The following COL5A1 variants were observed in gnomAD, a reference collection of about 807,000 sequenced individuals.
The protein encoded by COL5A1 is collagen alpha-1(V) chain.
COL5A1 carries 16 observed loss-of-function variants against 263.7 expected under a neutral mutation model. The ratio of observed to expected loss-of-function variants is 0.06; its 90% CI spans 0.04 to 0.09. COL5A1 has a LOEUF of 0.09. Among genes scored for constraint, COL5A1 ranks in the 10% least tolerant of loss-of-function variants. The pLI is 1.00. For missense variants in COL5A1, 2,036 were observed against 2,540.5 expected, an observed-to-expected ratio of 0.80 and a Z score of 4.27; for synonymous variants, 1,012 against 1,004.5, an observed-to-expected ratio of 1.01 and a Z score of -0.14.
rs1469208231 is a variant in COL5A1, at chr9:134,780,160, T to C, written c.2430+14T>C. The stretch of plus-strand genomic sequence containing the variant: ...AAGGGCGAGAAGGTAAGTCTCTCCT[T>C]GCAGCCACGGGGCCCCCTGCTTAGT... On this transcript the variant is annotated intron_variant, in intron 28 of 65. Transcript: ENST00000371817. The C allele has an allele frequency of 6.2e-7, 1 of 1,613,110 alleles. No individual in the cohort carries two copies. The highest frequency in any genetic ancestry group is 8.5e-7 in the Non-Finnish European group (1 of 1,179,960).
At chr9:134,784,342 G>A (rs1837369804) in intron 29 of COL5A1, among the ~76,000 whole-genome samples, 1 of 152,228 alleles carries the variant, frequency 6.6e-6, no homozygotes, top group Non-Finnish European at 1.5e-5. Flanking sequence ...TCCATTGCTG[G>A]ACAAAGAGTG....
chr9:134,816,029 A>G lies in COL5A1; in HGVS notation c.4122+41A>G, dbSNP rs1273876350. 1.9e-6 allele frequency: 3 copies of G among 1,604,684 alleles called. No individual in the cohort carries two copies. The South Asian group carries it at 3.3e-5, about 18-fold the overall frequency. On this transcript the variant is annotated intron_variant, in intron 52 of 65. Transcript: ENST00000371817. Reference sequence around the variant, plus strand: ...GGGCTGGCTTCCTGGTGGAGGTGTCAGTGTATTCTTGGGACCTTGCAGCTT... The same window carrying G: ...GGGCTGGCTTCCTGGTGGAGGTGTCGGTGTATTCTTGGGACCTTGCAGCTT...
At chr9:134,648,675 T>C (rs1483741296) in intron 1 of COL5A1, among the ~76,000 whole-genome samples, 1 of 152,212 alleles carries the variant, frequency 6.6e-6, no homozygotes, top group Non-Finnish European at 1.5e-5. Flanking sequence ...AGCAGGAGGC[T>C]GTGAGGTGGT....
chr9:134,770,363 C>T (rs1046329331), intron 25 of COL5A1, among the ~76,000 whole-genome samples: 6 of 152,148 alleles, frequency 3.9e-5, no homozygotes, highest in East Asian at 1.9e-4. Context: ...TGATAGCACA[C>T]GCTGGGGAAA....
chr9:134,823,534 A>G, intron 61 of COL5A1, 65 bp downstream of exon 61: 2 of 1,551,372 alleles, frequency 1.3e-6, no homozygotes, highest in Non-Finnish European at 1.8e-6. Context: ...GGAATTGAGA[A>G]AGCAACTGTG....
intron 21 of COL5A1, 65 bp from the exon 22 acceptor site, chr9:134,766,389 C>T (rs1234898396): frequency 2.6e-6 from 4 of 1,522,172 alleles, no homozygotes; most frequent in African/African-American, 2.7e-5. Context: ...GTGGGATTTT[C>T]CTCTTGAGCA....
chr9:134,765,952 C>T lies in COL5A1; in HGVS notation c.2088+218C>T, dbSNP rs891906517. Among the ~76,000 whole-genome samples, 2 of 152,214 alleles carry T rather than the reference C, an allele frequency of 1.3e-5. No individual in the cohort carries two copies. Among genetic ancestry groups the T allele is most frequent in the African/African-American group, 4.8e-5 (2 of 41,454 alleles). On this transcript the variant is annotated intron_variant, in intron 21 of 65. Coordinates refer to ENST00000371817, the MANE Select transcript of COL5A1 (RefSeq NM_000093.5). This position sits in a 1 kb window ranked among gnomAD's most constrained non-coding sequence, Gnocchi z 5.1. Reference sequence around the variant, plus strand: ...CTTGCAGGTGGAGGCCCGAGGCTGCCGGCCTCACGCCTCCGCTTCACCCTG... The same window carrying T: ...CTTGCAGGTGGAGGCCCGAGGCTGCTGGCCTCACGCCTCCGCTTCACCCTG...
intron 9 of COL5A1, among the ~76,000 whole-genome samples, chr9:134,738,120 C>T (rs1453029920): frequency 6.6e-6 from 1 of 152,324 alleles, no homozygotes; most frequent in East Asian, 1.9e-4. Context: ...TGGCTTTGGC[C>T]TGGCGGACCT....
At chr9:134,720,458 A>G (rs1309764995) in intron 4 of COL5A1, among the ~76,000 whole-genome samples, 1 of 152,224 alleles carries the variant, frequency 6.6e-6, no homozygotes, top group Non-Finnish European at 1.5e-5. Context: ...ATGCACTGTG[A>G]AAATGCTCTC....
chr9:134,731,745 CA>C (rs1004016731), intron 8 of COL5A1, 82 bp downstream of exon 8: 1 of 1,477,426 alleles, frequency 6.8e-7, no homozygotes, highest in African/African-American at 1.4e-5. Context: ...AGAGCCTCCT[CA>C]GGGGTGGGCC....
chr9:134,774,263 C>T (rs921261876), intron 26 of COL5A1, among the ~76,000 whole-genome samples: 7 of 152,232 alleles, frequency 4.6e-5, no homozygotes, highest in Non-Finnish European at 7.3e-5. Context: ...CAAGCCCATC[C>T]TGCCTGGGAG....
chr9:134,800,520 G>A lies in COL5A1; in HGVS notation c.2953-1434G>A, dbSNP rs533844734. ...AACACTTTGGGAGGCCGAGATGGGC[G>A]GATCACCTGAGGTCGGGAGTTTGAG... On this transcript the variant is annotated intron_variant, in intron 37 of 65. Transcript: ENST00000371817. Among the ~76,000 whole-genome samples, 116 of 152,258 alleles carry A rather than the reference G, an allele frequency of 7.6e-4. 1 individual carries two copies. Among genetic ancestry groups the A allele is most frequent in the African/African-American group, 2.4e-3 (98 of 41,548 alleles).
rs1831330581 is a variant in COL5A1 at position 134,642,515 on chromosome 9, G to A, written c.109+219G>A. Among the ~76,000 whole-genome samples, 1 of 151,666 alleles carries A rather than the reference G, an allele frequency of 6.6e-6. No individual in the cohort carries two copies. ...CGCCGCCCCCTCCCCAGACGGGCGG[G>A]TCGGGTGGGGCTGTCGCGCGAGCCG... On this transcript the variant is annotated intron_variant, in intron 1 of 65. Transcript: ENST00000371817. This position sits in a 1 kb window ranked among gnomAD's most constrained non-coding sequence, Gnocchi z 4.5.
At chr9:134,703,061 C>T (rs7040456) in intron 4 of COL5A1, among the ~76,000 whole-genome samples, 3,357 of 152,320 alleles carry the variant, frequency 0.022, 107 homozygotes, top group African/African-American at 0.076. Context: ...AGAGCAGCCA[C>T]GCTCTGTGGA....
At chr9:134,766,621 C>A in intron 22 of COL5A1, 123 bp downstream of exon 22, 1 of 1,020,702 alleles carries the variant, frequency 9.8e-7, no homozygotes, top group Non-Finnish European at 1.5e-6. Context: ...GGTTGCAGAC[C>A]CTCTGCTGTG....
intron 40 of COL5A1, 23 bp from the exon 41 acceptor site, chr9:134,805,138 C>T (rs1489694034): frequency 6.2e-7 from 1 of 1,614,010 alleles, no homozygotes. Flanking sequence ...GTGCCCTTGA[C>T]CAACCTTTTC....
At chr9:134,820,290 C>CCA (rs993549337) in intron 58 of COL5A1, 67 bp downstream of exon 58, 2 of 1,307,762 alleles carry the variant, frequency 1.5e-6, no homozygotes, top group Non-Finnish European at 2.2e-6. Context: ...GGGCAGGCAC[C>CCA]CAGGGGACAG....
At chr9:134,828,942 G>C (rs1839447931) in intron 63 of COL5A1, among the ~76,000 whole-genome samples, 1 of 147,498 alleles carries the variant, frequency 6.8e-6, no homozygotes, top group Non-Finnish European at 1.5e-5. Flanking sequence ...CACACACACA[G>C]ATGCGTACCA....
Position 134,642,472 on chromosome 9 carries a change from C to T in COL5A1, c.109+176C>T, listed in dbSNP as rs899046535. Among the ~76,000 whole-genome samples, 8 of 150,182 alleles carry T rather than the reference C, an allele frequency of 5.3e-5. No individual in the cohort carries two copies. Among genetic ancestry groups the T allele is most frequent in the Non-Finnish European group, 1.0e-4 (7 of 67,302 alleles). On this transcript the variant is annotated intron_variant, in intron 1 of 65. Transcript: ENST00000371817. This position sits in a 1 kb window ranked among gnomAD's most constrained non-coding sequence, Gnocchi z 4.5. Reference sequence around the variant, plus strand: ...CCCCCGAGATGACGACACGCAGACACAATGCCCGCGGGCGCGCCGCCGCCC... The same window carrying T: ...CCCCCGAGATGACGACACGCAGACATAATGCCCGCGGGCGCGCCGCCGCCC...
Sources: gnomAD v4.1 joint callset for allele counts (sites outside exome capture counted in the v4.1 genomes callset) on GRCh38, gnomAD v4.1.1 for gene constraint, Gnocchi (gnomAD v3.1) non-coding constraint, MANE v1.5 for transcripts, NCBI Gene and HGNC (gene_info 2026-07-23, HGNC 2026-07-21) for gene names.